Variants in PRELP observed in about 807,000 individuals in gnomAD.
The protein encoded by PRELP is prolargin.
A neutral mutation model predicts 22.8 loss-of-function variants in PRELP; 16 were observed. That is an observed-to-expected ratio of 0.70 (90% CI 0.47 to 1.06). The LOEUF is 1.06. Ranked by LOEUF, PRELP falls within the 50% of genes least tolerant of loss-of-function variation. The probability of loss-of-function intolerance (pLI) is 0.00; values close to 1 mark genes in which losing one functional copy is unlikely to be tolerated. For synonymous variants in PRELP, 233 were observed against 211.4 expected (o/e 1.10, Z -0.89); for missense variants, 434 against 485.2 (o/e 0.89, Z 0.99).
intron 2 of PRELP, among the ~76,000 whole-genome samples, chr1:203,486,100 G>A (rs924843918): frequency 6.6e-6 from 1 of 152,186 alleles, no homozygotes; most frequent in Non-Finnish European, 1.5e-5. Context: ...AGTGTAGCCG[G>A]ATTATCTTTG....
At position 203,483,385 on chromosome 1, in the gene PRELP, A is replaced by G; in HGVS notation, c.201A>G (p.Pro67=). The change falls in exon 2 of 3, where the codon CCA becomes CCG. Residue 67 remains proline (P), a synonymous_variant. Transcript: ENST00000343110. This position sits in a 1 kb window ranked among gnomAD's most constrained non-coding sequence, Gnocchi z 4.4. ...CTCCTCCCCTCCCTCCAGGCCCTCC[A>G]TCTATCTTCCCTGACTGTCCCCGCG... ...DLPPPLPPGP[P]SIFPDCPREC... 1 of 1,613,938 alleles carries G rather than the reference A, an allele frequency of 6.2e-7. No individual in the cohort carries two copies. Among genetic ancestry groups the G allele is most frequent in the Non-Finnish European group, 8.5e-7 (1 of 1,179,962 alleles).
chr1:203,476,486 A>G (rs1165725982), intron 1 of PRELP, among the ~76,000 whole-genome samples: 1 of 152,190 alleles, frequency 6.6e-6, no homozygotes, highest in Non-Finnish European at 1.5e-5. Context: ...TGTTCCCTGC[A>G]TCTTGTCTCT....
chr1:203,484,310 G>T (rs1365426810), intron 2 of PRELP, among the ~76,000 whole-genome samples, 153 bp downstream of exon 2: 2 of 152,258 alleles, frequency 1.3e-5, no homozygotes, highest in African/African-American at 2.4e-5. Context: ...TGCTATCTGG[G>T]TGACCTTGAA....
chr1:203,482,818 C>G (rs570718137), intron 1 of PRELP, among the ~76,000 whole-genome samples: 1 of 151,288 alleles, frequency 6.6e-6, no homozygotes, highest in African/African-American at 2.4e-5. Flanking sequence ...AGGATGGTCT[C>G]GATCTCCTGA....
Position 203,486,691 on chromosome 1 carries a change from C to A in PRELP, c.974-15C>A. The A allele has an allele frequency of 6.2e-7, 1 of 1,603,500 alleles. No individual in the cohort carries two copies. The highest frequency in any genetic ancestry group is 8.5e-7 in the Non-Finnish European group (1 of 1,171,012). On this transcript the variant is annotated splice_polypyrimidine_tract_variant and intron_variant, in intron 2 of 2. Coordinates refer to ENST00000343110, the MANE Select transcript of PRELP (RefSeq NM_002725.4). Reference sequence around the variant, plus strand: ...CCTCCACTCCCTTCTGATTTCTCGTCTTCTTTTTCCGTAGAAATCAACGGA... The same window carrying A: ...CCTCCACTCCCTTCTGATTTCTCGTATTCTTTTTCCGTAGAAATCAACGGA...
rs929706541 is a variant in PRELP at position 203,489,061 on chromosome 1, C to T, written c.*2180C>T. On this transcript the variant is annotated 3_prime_UTR_variant, in exon 3 of 3. Transcript: ENST00000343110. ...TTCCCCCGTGCTCCACTACAATCGC[C>T]GCATTCTTTCTAGCTGCAGCTGGTT... The T allele has an allele frequency of 1.4e-4, 21 of 152,622 alleles. No individual in the cohort carries two copies. Among genetic ancestry groups the T allele is most frequent in the Admixed American group, 2.6e-4 (4 of 15,274 alleles). The allele number at this position is 152,622 out of a possible 1,614,324, so 9.5% of individuals were successfully genotyped here.
intron 1 of PRELP, among the ~76,000 whole-genome samples, chr1:203,481,816 G>A (rs941126961): frequency 2.6e-5 from 4 of 152,186 alleles, no homozygotes; most frequent in Non-Finnish European, 4.4e-5. Context: ...TGGCCTTGGC[G>A]AGCCACTTCT....
At position 203,489,717 on chromosome 1, in the gene PRELP, G is replaced by A. The variant is rs1041462663; in HGVS notation, c.*2836G>A. The A allele has an allele frequency of 3.9e-5, 6 of 152,254 alleles. No homozygotes were observed. The highest frequency in any genetic ancestry group is 1.4e-4 in the African/African-American group (6 of 41,470). The allele number at this position is 152,254 out of a possible 1,614,324, so 9.4% of individuals were successfully genotyped here. A position where few individuals can be genotyped will look rare whatever the true frequency, so the allele number is the denominator to read the frequency against. On this transcript the variant is annotated 3_prime_UTR_variant, in exon 3 of 3. Coordinates refer to ENST00000343110, the MANE Select transcript of PRELP (RefSeq NM_002725.4). ...CACGCCTGTAATCCCAGCACTCTGG[G>A]AGGCCAAAGCGGGCAGATCACCTGA...
At position 203,486,729 on chromosome 1, in the gene PRELP, C is replaced by T. The variant is rs764195326; in HGVS notation, c.997C>T (p.Pro333Ser). 6.2e-7 allele frequency: 1 copy of T among 1,612,792 alleles called. No individual in the cohort carries two copies. The highest frequency in any genetic ancestry group is 1.7e-5 in the Admixed American group (1 of 59,998). ...AGAAATCAACGGAACCCAGATTTGC[C>T]CCAACGACCTAGTGGCGTTCCATGA... ...IEKINGTQICPNDLVAFHDFS... is the reference protein window; with the variant it reads ...IEKINGTQICSNDLVAFHDFS... Residue 333 changes from proline to serine, a missense_variant, in exon 3 of 3, where the codon CCC (proline) becomes TCC (serine). By Grantham distance (74) the Pro-to-Ser change is moderately conservative (BLOSUM62 -1). Transcript: ENST00000343110.
rs1024781268 is a variant in PRELP at position 203,483,826 on chromosome 1, C to T, written c.642C>T (p.Pro214=). 54 of 1,614,010 alleles carry T rather than the reference C, an allele frequency of 3.3e-5. No individual in the cohort carries two copies. Among genetic ancestry groups the T allele is most frequent in the Admixed American group, 2.8e-4 (17 of 60,004 alleles). The part of the protein sequence containing the change: ...HNRLSDGVFK[P]DTFHGLKNLM... ...GGCTGAGCGACGGCGTCTTCAAGCC[C>T]GACACCTTCCATGGCCTCAAGAACC... is the stretch of plus-strand genomic sequence containing the variant. Residue 214 remains proline, a synonymous_variant, in exon 2 of 3, where the codon CCC becomes CCT. Transcript: ENST00000343110. This position sits in a 1 kb window ranked among gnomAD's most constrained non-coding sequence, Gnocchi z 4.4.
At chr1:203,482,754 C>T (rs529358508) in intron 1 of PRELP, among the ~76,000 whole-genome samples, 170 of 151,962 alleles carry the variant, frequency 1.1e-3, no homozygotes, top group African/African-American at 3.8e-3. Context: ...CCCGCCACCA[C>T]GCCTGGCTAA....
At chr1:203,484,950 C>G (rs1209936743) in intron 2 of PRELP, among the ~76,000 whole-genome samples, 1 of 152,046 alleles carries the variant, frequency 6.6e-6, no homozygotes, top group African/African-American at 2.4e-5. Flanking sequence ...CAAAATCAGC[C>G]TACATTCACA....
chr1:203,486,898 G>C lies in PRELP; in HGVS notation c.*17G>C, dbSNP rs773183374. The C allele has an allele frequency of 1.9e-6, 3 of 1,604,404 alleles. No homozygotes were observed. Among genetic ancestry groups the C allele is most frequent in the Non-Finnish European group, 2.6e-6 (3 of 1,173,732 alleles). Reference sequence around the variant, plus strand: ...GTCATCTAGGCCCTACTCCGCCACCGGATCTGCTCTGACCGCACTTGAAGG... The same window carrying C: ...GTCATCTAGGCCCTACTCCGCCACCCGATCTGCTCTGACCGCACTTGAAGG... On this transcript the variant is annotated 3_prime_UTR_variant, in exon 3 of 3. Coordinates refer to ENST00000343110, the MANE Select transcript of PRELP (RefSeq NM_002725.4).
Position 203,483,288 on chromosome 1 carries a change from G to A in PRELP, c.104G>A (p.Arg35Lys). 1 of 1,613,724 alleles carries A rather than the reference G, an allele frequency of 6.2e-7. No homozygotes were observed. The highest frequency in any genetic ancestry group is 8.5e-7 in the Non-Finnish European group (1 of 1,179,802). The stretch of plus-strand genomic sequence containing the variant: ...AGACCCGGGACTGGGCCCGGGCGCA[G>A]ACCCAGGCCCAGGCCCAGGCCCACA... Reference protein sequence around the residue: ...RPRPGTGPGRRPRPRPRPTPS... With the variant: ...RPRPGTGPGRKPRPRPRPTPS... The change falls in exon 2 of 3, where the codon AGA becomes AAA. Residue 35 changes from arginine (R) to lysine (K), a missense_variant. Transcript: ENST00000343110. This position sits in a 1 kb window ranked among gnomAD's most constrained non-coding sequence, Gnocchi z 4.4.
In PRELP at chr1:203,479,706, C is replaced by CAAAA. The variant is rs397844598; in HGVS notation, c.-16-3436_-16-3433dup. Among the ~76,000 whole-genome samples, 150 of 52,510 alleles carry CAAAA rather than the reference C, an allele frequency of 2.9e-3. 7 individuals carry two copies. The highest frequency in any genetic ancestry group is 4.1e-3 in the Non-Finnish European group (118 of 28,790). The allele number at this position is 52,510 out of a possible 152,430, so 34.4% of individuals were successfully genotyped here. ...TCAACAAAGGGAGACCCTGTATCACCAAAAAAAAAAAAAAAAAAAAAAAAA... is the reference window on the plus strand; with the variant it reads ...TCAACAAAGGGAGACCCTGTATCACCAAAAAAAAAAAAAAAAAAAAAAAAAAAAA... On this transcript the variant is annotated intron_variant, in intron 1 of 2. Coordinates refer to ENST00000343110, the MANE Select transcript of PRELP (RefSeq NM_002725.4).
chr1:203,489,183 G>A lies in PRELP; in HGVS notation c.*2302G>A, dbSNP rs1661148755. The A allele has an allele frequency of 6.6e-6, 1 of 152,622 alleles. No homozygotes were observed. The highest frequency in any genetic ancestry group is 2.1e-4 in the South Asian group (1 of 4,828). 9.5% of individuals were successfully genotyped at this position (152,622 alleles called of 1,614,324 possible). On this transcript the variant is annotated 3_prime_UTR_variant, in exon 3 of 3. Coordinates refer to ENST00000343110, the MANE Select transcript of PRELP (RefSeq NM_002725.4). Reference sequence around the variant, plus strand: ...GAGCCCCTTCTGCATCTTATTCACAGCTTGCAGCCTCAGCCCCTTTGATGA... The same window carrying A: ...GAGCCCCTTCTGCATCTTATTCACAACTTGCAGCCTCAGCCCCTTTGATGA...
At chr1:203,478,117 A>G (rs1660943225) in intron 1 of PRELP, among the ~76,000 whole-genome samples, 1 of 152,218 alleles carries the variant, frequency 6.6e-6, no homozygotes, top group African/African-American at 2.4e-5. Flanking sequence ...CTCACTTTGC[A>G]TGTATTAACT....
Position 203,487,077 on chromosome 1 carries a change from AC to A in PRELP, c.*199del. The A allele has an allele frequency of 1.6e-6, 1 of 631,784 alleles. No homozygotes were observed. The highest frequency in any genetic ancestry group is 2.6e-6 in the Non-Finnish European group (1 of 385,522). The allele number at this position is 631,784 out of a possible 1,614,324, so 39.1% of individuals were successfully genotyped here. A position where few individuals can be genotyped will look rare whatever the true frequency, so the allele number is the denominator to read the frequency against. ...GACTTCAAGGACTCAGTTTGGTTCC[AC>A]CCAGTTGAAAGACACCCAGTGCACA... On this transcript the variant is annotated 3_prime_UTR_variant, in exon 3 of 3. Transcript: ENST00000343110.
chr1:203,487,519 G>A lies in PRELP; in HGVS notation c.*638G>A, dbSNP rs1337521725. ...CTGCATCTGGCCAGCAGGACACAGG[G>A]ATGCGCAGGGCGCCCCCTTCTGTTC... On this transcript the variant is annotated 3_prime_UTR_variant, in exon 3 of 3. Coordinates refer to ENST00000343110, the MANE Select transcript of PRELP (RefSeq NM_002725.4). 6.5e-6 allele frequency: 1 copy of A among 152,938 alleles called. No individual in the cohort carries two copies. The highest frequency in any genetic ancestry group is 1.5e-5 in the Non-Finnish European group (1 of 68,242). 9.5% of individuals were successfully genotyped at this position (152,938 alleles called of 1,614,324 possible).
Sources: allele counts gnomAD v4.1 joint callset (sites outside exome capture counted in the v4.1 genomes callset), GRCh38; gene constraint gnomAD v4.1.1; non-coding constraint Gnocchi (gnomAD v3.1); transcripts MANE v1.5; gene names NCBI Gene and HGNC (gene_info 2026-07-23, HGNC 2026-07-21).